The following ARK2N variants were observed in gnomAD, a reference collection of about 807,000 sequenced individuals.
ARK2N encodes arkadia (RNF111) N-terminal like PKA signaling regulator 2N.
chr18:46,216,389 A>G, the ARK2N span: 10 of 1,614,010 alleles, frequency 6.2e-6, no homozygotes, highest in East Asian at 4.5e-5. This position sits in a 1 kb window ranked among gnomAD's most constrained non-coding sequence, Gnocchi z 4.3. Context: ...CGAGTCGCCA[A>G]GGTTAAAGGT....
the ARK2N span, among the ~76,000 whole-genome samples, chr18:46,243,970 C>T: frequency 6.6e-6 from 1 of 152,188 alleles, no homozygotes; most frequent in African/African-American, 2.4e-5. Context: ...TTTCTAATTA[C>T]TCTCTTGCAC....
the ARK2N span, among the ~76,000 whole-genome samples, chr18:46,206,289 T>C: frequency 6.6e-6 from 1 of 151,984 alleles, no homozygotes; most frequent in African/African-American, 2.4e-5. Flanking sequence ...TCTCACTATG[T>C]TTCCCAGGCT....
chr18:46,253,364 TAG>T, the ARK2N span, among the ~76,000 whole-genome samples: 1 of 152,174 alleles, frequency 6.6e-6, no homozygotes, highest in Non-Finnish European at 1.5e-5. Flanking sequence ...ATAAAATATA[TAG>T]AGTTTGTTAT....
the ARK2N span, among the ~76,000 whole-genome samples, chr18:46,221,983 A>G: frequency 1.3e-5 from 2 of 152,364 alleles, no homozygotes; most frequent in Admixed American, 6.5e-5. Context: ...AATCAGGTAA[A>G]AACTGTCTAT....
At chr18:46,252,285 T>G in the ARK2N span, among the ~76,000 whole-genome samples, 1 of 151,920 alleles carries the variant, frequency 6.6e-6, no homozygotes, top group Non-Finnish European at 1.5e-5. Flanking sequence ...TTCTTTTCTT[T>G]TTTTTTTGAG....
chr18:46,252,221 A>G, the ARK2N span, among the ~76,000 whole-genome samples: 4 of 152,008 alleles, frequency 2.6e-5, no homozygotes, highest in African/African-American at 4.8e-5. Context: ...AGATTTCTCA[A>G]TAACCTTGAA....
At chr18:46,185,792 GC>G in the ARK2N span, among the ~76,000 whole-genome samples, 280 of 152,248 alleles carry the variant, frequency 1.8e-3, no homozygotes, top group Non-Finnish European at 3.5e-3. Flanking sequence ...TTTGAGACCA[GC>G]CTGGCCAACA....
At chr18:46,235,342 G>T in the ARK2N span, among the ~76,000 whole-genome samples, 1 of 152,228 alleles carries the variant, frequency 6.6e-6, no homozygotes, top group Middle Eastern at 3.2e-3. Flanking sequence ...CCAACATGAG[G>T]CACTGGCCTA....
At chr18:46,230,922 G>C in the ARK2N span, among the ~76,000 whole-genome samples, 1 of 152,162 alleles carries the variant, frequency 6.6e-6, no homozygotes, top group African/African-American at 2.4e-5. Context: ...TGATAATCTA[G>C]CTACAGCCTG....
the ARK2N span, among the ~76,000 whole-genome samples, chr18:46,182,724 G>T: frequency 8.0e-6 from 1 of 125,098 alleles, no homozygotes. Flanking sequence ...AACTTCTTTG[G>T]CTTCTTACTT....
the ARK2N span, among the ~76,000 whole-genome samples, chr18:46,189,884 C>T: frequency 6.6e-6 from 1 of 152,038 alleles, no homozygotes. Context: ...AAAAAGAAAA[C>T]CTTATCTTTT....
the ARK2N span, among the ~76,000 whole-genome samples, chr18:46,200,639 G>C: frequency 0.18 from 27,820 of 152,116 alleles, 2,793 homozygotes; most frequent in East Asian, 0.4. Flanking sequence ...CTTTGGCACA[G>C]GTAGGGCAGC....
At chr18:46,196,209 A>T in the ARK2N span, among the ~76,000 whole-genome samples, 1 of 151,312 alleles carries the variant, frequency 6.6e-6, no homozygotes, top group Admixed American at 6.6e-5. Context: ...TGAACTCCGG[A>T]CCTCAGGTGA....
At chr18:46,174,640 G>A in the ARK2N span, among the ~76,000 whole-genome samples, 965 of 152,318 alleles carry the variant, frequency 6.3e-3, 9 homozygotes, top group African/African-American at 0.022. Context: ...CGCTGGGGCC[G>A]GGTTGAGGCG....
the ARK2N span, among the ~76,000 whole-genome samples, chr18:46,175,950 C>T: frequency 6.6e-6 from 1 of 152,084 alleles, no homozygotes; most frequent in Admixed American, 6.6e-5. Flanking sequence ...ATTTAACATG[C>T]ATTTATGTGA....
chr18:46,203,357 CATT>C, the ARK2N span, among the ~76,000 whole-genome samples: 1 of 152,056 alleles, frequency 6.6e-6, no homozygotes, highest in African/African-American at 2.4e-5. Flanking sequence ...ACCTGAGAGA[CATT>C]GTTGAACTAA....
the ARK2N span, among the ~76,000 whole-genome samples, chr18:46,200,186 C>T: frequency 3.1e-3 from 469 of 152,266 alleles, 4 homozygotes; most frequent in African/African-American, 0.011. Flanking sequence ...CGAAAGACCA[C>T]ATTTGCTATC....
At chr18:46,261,680 A>G in the ARK2N span, among the ~76,000 whole-genome samples, 1 of 152,216 alleles carries the variant, frequency 6.6e-6, no homozygotes, top group Non-Finnish European at 1.5e-5. Context: ...GTTAGTAACT[A>G]CATAGCCCAT....
chr18:46,195,559 CTTTTTTTTTTTTTTTTTTTTT>C, the ARK2N span, among the ~76,000 whole-genome samples: 1 of 72,674 alleles, frequency 1.4e-5, no homozygotes, highest in Non-Finnish European at 2.4e-5. Flanking sequence ...CCCACATAAA[CTTTTTTTTTTTTTTTTTTTTT>C]TTTTTTTTTT....
Sources: gnomAD v4.1 joint callset for allele counts (sites outside exome capture counted in the v4.1 genomes callset) on GRCh38, gnomAD v4.1.1 for gene constraint, Gnocchi (gnomAD v3.1) non-coding constraint, MANE v1.5 for transcripts, NCBI Gene and HGNC (gene_info 2026-07-23, HGNC 2026-07-21) for gene names.